Variants in MAML2 observed in about 807,000 individuals in gnomAD.
MAML2 encodes mastermind like transcriptional coactivator 2.
MAML2 carries 22 observed loss-of-function variants against 96.1 expected under a neutral mutation model. That is an observed-to-expected ratio of 0.23 (90% CI 0.16 to 0.33). MAML2 has a LOEUF of 0.33. Ranked by LOEUF, MAML2 falls within the 10% of genes least tolerant of loss-of-function variation. The probability of loss-of-function intolerance (pLI) is 1.00; values close to 1 mark genes in which losing one functional copy is unlikely to be tolerated. For synonymous variants in MAML2, 561 were observed against 521.3 expected (o/e 1.08, Z -1.04); for missense variants, 1,367 against 1,392.4 (o/e 0.98, Z 0.29).
intron 1 of MAML2, among the ~76,000 whole-genome samples, chr11:96,165,225 T>C (rs922960895): frequency 6.6e-6 from 1 of 151,972 alleles, no homozygotes; most frequent in Admixed American, 6.6e-5. Context: ...TTGCAAGTGG[T>C]TCTTAAACTT....
intron 1 of MAML2, among the ~76,000 whole-genome samples, chr11:96,340,354 T>G (rs986325949): frequency 6.6e-6 from 1 of 152,134 alleles, no homozygotes; most frequent in Non-Finnish European, 1.5e-5. Flanking sequence ...AGAAGTCCCA[T>G]GGAGCTCCAA....
At chr11:96,234,430 G>A (rs550643288) in intron 1 of MAML2, among the ~76,000 whole-genome samples, 4 of 152,264 alleles carry the variant, frequency 2.6e-5, no homozygotes, top group South Asian at 4.1e-4. Context: ...GCAGTGAGCC[G>A]AGATCACGCC....
At chr11:96,061,109 C>T (rs569497319) in intron 2 of MAML2, among the ~76,000 whole-genome samples, 3 of 152,274 alleles carry the variant, frequency 2.0e-5, no homozygotes, top group African/African-American at 7.2e-5. Flanking sequence ...ATCTGATGAT[C>T]GGGAACAATA....
At chr11:96,087,860 G>C (rs995774942) in intron 2 of MAML2, among the ~76,000 whole-genome samples, 1 of 152,154 alleles carries the variant, frequency 6.6e-6, no homozygotes, top group African/African-American at 2.4e-5. Flanking sequence ...CCAAATTCAT[G>C]ATTATTTTCC....
intron 2 of MAML2, among the ~76,000 whole-genome samples, chr11:96,078,357 T>A (rs1204286361): frequency 6.6e-6 from 1 of 152,230 alleles, no homozygotes; most frequent in African/African-American, 2.4e-5. Context: ...CAATCATAGA[T>A]AGTTCAATGT....
chr11:96,199,957 C>T (rs549311793), intron 1 of MAML2, among the ~76,000 whole-genome samples: 2 of 152,292 alleles, frequency 1.3e-5, no homozygotes, highest in African/African-American at 2.4e-5. Flanking sequence ...TTCACCTTCT[C>T]GCTCCACTGG....
At chr11:96,054,430 C>G (rs10741526) in intron 2 of MAML2, among the ~76,000 whole-genome samples, 113,572 of 151,968 alleles carry the variant, frequency 0.75, 42,442 homozygotes, top group East Asian at 0.88. Context: ...GTAACAACAG[C>G]AGTTATACAG....
chr11:96,201,737 G>A (rs545047117), intron 1 of MAML2, among the ~76,000 whole-genome samples: 1 of 152,016 alleles, frequency 6.6e-6, no homozygotes, highest in East Asian at 1.9e-4. Flanking sequence ...GGCTAACACG[G>A]TGAAACCCCG....
chr11:95,986,361 C>A (rs1857829025), intron 3 of MAML2, among the ~76,000 whole-genome samples: 1 of 151,836 alleles, frequency 6.6e-6, no homozygotes, highest in African/African-American at 2.4e-5. Flanking sequence ...TCACGCCCAG[C>A]AAATTTTTGT....
At chr11:95,980,474 C>A (rs1306238551) in intron 4 of MAML2, among the ~76,000 whole-genome samples, 1 of 152,036 alleles carries the variant, frequency 6.6e-6, no homozygotes, top group East Asian at 1.9e-4. Context: ...AAGAAGCTAC[C>A]CCAGTGACTC....
chr11:96,331,551 C>CT (rs1448731028), intron 1 of MAML2, among the ~76,000 whole-genome samples: 1 of 151,660 alleles, frequency 6.6e-6, no homozygotes, highest in Non-Finnish European at 1.5e-5. Context: ...AATCCCAGCA[C>CT]TTTTTGGAGG....
At chr11:96,078,514 C>T (rs3802766) in intron 2 of MAML2, among the ~76,000 whole-genome samples, 60,457 of 151,914 alleles carry the variant, frequency 0.4, 12,478 homozygotes, top group African/African-American at 0.48. Flanking sequence ...AAATCAGAGA[C>T]GGTTCAGAGA....
At chr11:96,076,026 T>C (rs1385802176) in intron 2 of MAML2, among the ~76,000 whole-genome samples, 4 of 152,226 alleles carry the variant, frequency 2.6e-5, no homozygotes, top group Non-Finnish European at 4.4e-5. Flanking sequence ...ACTTTCAGAA[T>C]AAATTTGTTA....
intron 1 of MAML2, among the ~76,000 whole-genome samples, chr11:96,094,820 C>T (rs1273195324): frequency 2.6e-5 from 4 of 152,160 alleles, no homozygotes; most frequent in African/African-American, 9.7e-5. Flanking sequence ...GGCAAGAAAA[C>T]ATTTCCTAGA....
chr11:96,001,995 C>T (rs1480202234), intron 2 of MAML2, among the ~76,000 whole-genome samples: 1 of 152,108 alleles, frequency 6.6e-6, no homozygotes, highest in Non-Finnish European at 1.5e-5. Flanking sequence ...GGTGAACATC[C>T]TTTTTTTCTG....
chr11:96,272,104 A>G (rs147257561), intron 1 of MAML2, among the ~76,000 whole-genome samples: 2 of 152,192 alleles, frequency 1.3e-5, no homozygotes, highest in African/African-American at 2.4e-5. Flanking sequence ...TAACCTTCCT[A>G]TTTAAAACTG....
intron 1 of MAML2, among the ~76,000 whole-genome samples, chr11:96,287,007 T>G (rs1229030822): frequency 6.6e-6 from 1 of 152,190 alleles, no homozygotes; most frequent in Non-Finnish European, 1.5e-5. Flanking sequence ...AGCAGCCTGA[T>G]GCGCTGCTCT....
At chr11:96,110,533 A>T (rs1860100723) in intron 1 of MAML2, among the ~76,000 whole-genome samples, 1 of 152,160 alleles carries the variant, frequency 6.6e-6, no homozygotes, top group Non-Finnish European at 1.5e-5. Flanking sequence ...CAGTAGCTAA[A>T]CAGGTTGTAT....
At chr11:96,075,214 A>G (rs141092830) in intron 2 of MAML2, among the ~76,000 whole-genome samples, 5 of 152,310 alleles carry the variant, frequency 3.3e-5, no homozygotes, top group African/African-American at 9.6e-5. Flanking sequence ...TCCATTGCCT[A>G]TTATTATTGA....
Sources: gnomAD v4.1 joint callset for allele counts (sites outside exome capture counted in the v4.1 genomes callset) on GRCh38, gnomAD v4.1.1 for gene constraint, MANE v1.5 for transcripts, NCBI Gene and HGNC (gene_info 2026-07-23, HGNC 2026-07-21) for gene names.